The following DIAPH3 variants were observed in gnomAD, a reference collection of about 807,000 sequenced individuals.
DIAPH3 encodes the protein protein diaphanous homolog 3.
A neutral mutation model predicts 144.3 loss-of-function variants in DIAPH3; 117 were observed. That is an observed-to-expected ratio of 0.81 (90% CI 0.70 to 0.95). The LOEUF (loss-of-function observed/expected upper bound fraction) is 0.95, where lower values mean the gene tolerates loss of function less well. DIAPH3 is among the 40% of genes least tolerant of loss of function. DIAPH3 has a pLI of 0.00. For missense variants in DIAPH3, 1,421 were observed against 1,412.7 expected (o/e 1.01, Z -0.09); for synonymous variants, 519 against 488.9 (o/e 1.06, Z -0.81).
chr13:60,033,200 G>A lies in DIAPH3; in HGVS notation c.626+9490C>T, dbSNP rs376278137. ...TTTGGTCACAATCATTTAATGAGTC[G>A]CAAGGAAGTTTCAAACTTTCCCTTA... On this transcript the variant is annotated intron_variant, in intron 5 of 27. Coordinates refer to ENST00000400324, the MANE Select transcript of DIAPH3 (RefSeq NM_001042517.2). 3.2e-4 allele frequency among the ~76,000 whole-genome samples: 48 copies of A among 152,222 alleles called. No homozygotes were observed. The East Asian group carries it at 7.7e-3, about 24-fold the overall frequency.
intron 25 of DIAPH3, among the ~76,000 whole-genome samples, chr13:59,797,221 T>C (rs2039658239): frequency 6.6e-6 from 1 of 152,222 alleles, no homozygotes; most frequent in Non-Finnish European, 1.5e-5. Flanking sequence ...GTTGTGGACT[T>C]CTAATGCTGT....
At chr13:60,123,660 G>A (rs1320682722) in intron 2 of DIAPH3, among the ~76,000 whole-genome samples, 9 of 152,012 alleles carry the variant, frequency 5.9e-5, no homozygotes, top group African/African-American at 1.4e-4. Context: ...ACATTCAGTC[G>A]CCCCAATCCA....
chr13:59,738,104 C>T (rs1418089670), intron 27 of DIAPH3, among the ~76,000 whole-genome samples: 1 of 152,048 alleles, frequency 6.6e-6, no homozygotes, highest in East Asian at 1.9e-4. Flanking sequence ...TGAAGGGAGG[C>T]TGCAGTGAGC....
chr13:60,087,211 C>T (rs1383087042), intron 4 of DIAPH3, among the ~76,000 whole-genome samples: 1 of 152,096 alleles, frequency 6.6e-6, no homozygotes, highest in Non-Finnish European at 1.5e-5. Context: ...AAAACCAACC[C>T]ATGGATACAG....
intron 4 of DIAPH3, among the ~76,000 whole-genome samples, chr13:60,082,676 T>C (rs1222163550): frequency 6.6e-6 from 1 of 152,024 alleles, no homozygotes; most frequent in South Asian, 2.1e-4. Flanking sequence ...ATTACCAACA[T>C]GCAAAACTCA....
At chr13:60,094,911 A>G (rs1457196476) in intron 3 of DIAPH3, among the ~76,000 whole-genome samples, 1 of 152,208 alleles carries the variant, frequency 6.6e-6, no homozygotes, top group African/African-American at 2.4e-5. Flanking sequence ...AAACACAAAC[A>G]TCCTGTTACG....
intron 4 of DIAPH3, 60 bp downstream of exon 4, chr13:60,093,568 T>C: frequency 2.6e-6 from 3 of 1,136,220 alleles, no homozygotes; most frequent in African/African-American, 1.5e-5. Flanking sequence ...TAGATAAATG[T>C]GCTGTTTTCC....
intron 17 of DIAPH3, among the ~76,000 whole-genome samples, chr13:59,954,312 T>C (rs529231789): frequency 6.6e-6 from 1 of 151,748 alleles, no homozygotes; most frequent in Admixed American, 6.6e-5. Flanking sequence ...GGGGTTATTA[T>C]GCAAGGCACT....
chr13:60,039,326 T>C (rs2055461962), intron 5 of DIAPH3, among the ~76,000 whole-genome samples: 1 of 150,684 alleles, frequency 6.6e-6, no homozygotes, highest in Non-Finnish European at 1.5e-5. Context: ...TTTTTTGAGA[T>C]AGAGTCTCAC....
chr13:59,842,501 T>C (rs559450050), intron 22 of DIAPH3, among the ~76,000 whole-genome samples: 5 of 152,126 alleles, frequency 3.3e-5, no homozygotes, highest in African/African-American at 7.2e-5. Context: ...TGTCCTACAA[T>C]TGGAGTTAGT....
chr13:59,916,142 C>A lies in DIAPH3; in HGVS notation c.2265+13G>T, dbSNP rs1323610140. The A allele has an allele frequency of 6.2e-7, 1 of 1,602,030 alleles. No homozygotes were observed. Among genetic ancestry groups the A allele is most frequent in the Non-Finnish European group, 8.6e-7 (1 of 1,169,518 alleles). On this transcript the variant is annotated intron_variant, in intron 19 of 27. Coordinates refer to ENST00000400324, the MANE Select transcript of DIAPH3 (RefSeq NM_001042517.2). ...ATGAAATATTGAAATTTAAGCTGTG[C>A]CTGTTTGTTTACCTGAATCATAGAC...
At chr13:60,056,836 T>C (rs1428103570) in intron 4 of DIAPH3, among the ~76,000 whole-genome samples, 2 of 151,876 alleles carry the variant, frequency 1.3e-5, no homozygotes, top group East Asian at 1.9e-4. Flanking sequence ...AAGTTTCCTT[T>C]TGGGTTGACA....
At chr13:59,667,438 C>A (rs1237689653) in intron 27 of DIAPH3, among the ~76,000 whole-genome samples, 1 of 152,206 alleles carries the variant, frequency 6.6e-6, no homozygotes, top group Non-Finnish European at 1.5e-5. Flanking sequence ...ATAATTTCCA[C>A]ACTCTGTGAC....
chr13:59,834,021 CATTAG>C (rs137963644), intron 23 of DIAPH3, among the ~76,000 whole-genome samples: 6,545 of 151,610 alleles, frequency 0.043, 161 homozygotes, highest in African/African-American at 0.052. Context: ...TTTCTTTATG[CATTAG>C]ATTATTAAAA....
At chr13:59,720,877 T>C (rs1375952477) in intron 27 of DIAPH3, among the ~76,000 whole-genome samples, 2 of 152,178 alleles carry the variant, frequency 1.3e-5, no homozygotes, top group Non-Finnish European at 2.9e-5. Context: ...TCACTGACTA[T>C]CTGGCATATG....
intron 17 of DIAPH3, among the ~76,000 whole-genome samples, chr13:59,930,639 TA>T (rs1217326966): frequency 1.3e-5 from 2 of 152,074 alleles, no homozygotes; most frequent in Admixed American, 1.3e-4. Flanking sequence ...CCAGATCACA[TA>T]AGATATTTTA....
chr13:59,758,198 G>A (rs932584516), intron 27 of DIAPH3, among the ~76,000 whole-genome samples: 3 of 152,068 alleles, frequency 2.0e-5, no homozygotes, highest in African/African-American at 7.2e-5. Context: ...CAACAAAACA[G>A]CAATTACACT....
intron 27 of DIAPH3, among the ~76,000 whole-genome samples, chr13:59,696,511 T>C (rs1328392919): frequency 6.6e-6 from 1 of 152,220 alleles, no homozygotes; most frequent in African/African-American, 2.4e-5. Context: ...TTCATATTTA[T>C]ACAGTCTGTG....
intron 19 of DIAPH3, among the ~76,000 whole-genome samples, chr13:59,915,840 T>C (rs999712801): frequency 1.6e-4 from 25 of 152,082 alleles, no homozygotes; most frequent in Non-Finnish European, 2.9e-4. Context: ...AAAAGGGCTA[T>C]AGAAACAAAT....
Sources: gnomAD v4.1 joint callset for allele counts (sites outside exome capture counted in the v4.1 genomes callset) on GRCh38, gnomAD v4.1.1 for gene constraint, MANE v1.5 for transcripts, NCBI Gene and HGNC (gene_info 2026-07-23, HGNC 2026-07-21) for gene names.